The following WDPCP variants were observed in gnomAD, a reference collection of about 807,000 sequenced individuals.
WDPCP encodes the protein WD repeat-containing and planar cell polarity effector protein fritz homolog.
WDPCP carries 71 observed loss-of-function variants against 93.1 expected under a neutral mutation model. That is an observed-to-expected ratio of 0.76 (90% confidence interval 0.63 to 0.93). The LOEUF (loss-of-function observed/expected upper bound fraction) is 0.93, where lower values mean the gene tolerates loss of function less well. WDPCP is among the 40% of genes least tolerant of loss of function. The probability of loss-of-function intolerance (pLI) is 0.00; values close to 1 mark genes in which losing one functional copy is unlikely to be tolerated. For synonymous variants in WDPCP, 315 were observed against 315.0 expected, an observed-to-expected ratio of 1.00 and a Z score of 0.00; for missense variants, 844 against 887.4, an observed-to-expected ratio of 0.95 and a Z score of 0.62.
chr2:63,482,481 TAAGGAAAATTTAACAAAAATTTAACTAAA>T (rs1332834968), intron 6 of WDPCP, among the ~76,000 whole-genome samples: 5 of 151,994 alleles, frequency 3.3e-5, no homozygotes, highest in African/African-American at 9.7e-5. Context: ...ACTTTATAAC[TAAGGAAAATTTAACAAAAATTTAACTAAA>T]AGGGCTAAGG....
intron 2 of WDPCP, among the ~76,000 whole-genome samples, chr2:63,682,059 A>G: frequency 6.6e-6 from 1 of 152,262 alleles, no homozygotes; most frequent in South Asian, 2.1e-4. Flanking sequence ...AGCCTTCCCA[A>G]GAAGGACAGG....
At chr2:63,655,040 A>C (rs184690554) in intron 2 of WDPCP, among the ~76,000 whole-genome samples, 4 of 152,214 alleles carry the variant, frequency 2.6e-5, no homozygotes, top group Non-Finnish European at 5.9e-5. Context: ...CTAGAGAATC[A>C]CTCACAGACT....
chr2:63,127,445 A>G (rs964195035), intron 17 of WDPCP, among the ~76,000 whole-genome samples: 7 of 151,962 alleles, frequency 4.6e-5, no homozygotes, highest in East Asian at 1.9e-4. Flanking sequence ...TTAAAAATCA[A>G]TTTTTAGAGG....
intron 1 of WDPCP, among the ~76,000 whole-genome samples, chr2:63,575,456 ACAG>A (rs1707948223): frequency 2.3e-5 from 1 of 42,992 alleles, no homozygotes; most frequent in African/African-American, 1.4e-4. Context: ...CACTGTATAT[ACAG>A]TATATATGCA....
intron 14 of WDPCP, among the ~76,000 whole-genome samples, chr2:63,249,699 AGAAG>A (rs1680563461): frequency 6.6e-6 from 1 of 152,198 alleles, no homozygotes; most frequent in African/African-American, 2.4e-5. Flanking sequence ...TGGAACTGAA[AGAAG>A]GAAGAGGCTG....
chr2:63,529,775 C>G (rs1178778226), intron 1 of WDPCP, among the ~76,000 whole-genome samples: 1 of 152,112 alleles, frequency 6.6e-6, no homozygotes, highest in African/African-American at 2.4e-5. Context: ...AGGAATGGTA[C>G]CAGCTCCTCC....
At chr2:63,238,076 C>G (rs905383603) in intron 14 of WDPCP, among the ~76,000 whole-genome samples, 2 of 151,264 alleles carry the variant, frequency 1.3e-5, no homozygotes, top group African/African-American at 4.9e-5. Context: ...CCCAAAATGG[C>G]AGGTGGTATA....
chr2:63,223,856 A>T (rs531137628), intron 14 of WDPCP, among the ~76,000 whole-genome samples: 47 of 152,114 alleles, frequency 3.1e-4, no homozygotes, highest in African/African-American at 1.1e-3. Flanking sequence ...CATACTATAT[A>T]TGGGGTGTGT....
At chr2:63,350,103 ATGC>A (rs1156674295) in intron 12 of WDPCP, among the ~76,000 whole-genome samples, 2 of 152,226 alleles carry the variant, frequency 1.3e-5, no homozygotes, top group East Asian at 3.9e-4. Context: ...ATGGAATACT[ATGC>A]AGTCATAAAA....
chr2:63,262,539 C>CAAAAAAAAAAAAAAAA (rs5831658), intron 13 of WDPCP, among the ~76,000 whole-genome samples: 1 of 130,086 alleles, frequency 7.7e-6, no homozygotes, highest in Non-Finnish European at 1.6e-5. Context: ...CCATATAAGC[C>CAAAAAAAAAAAAAAAA]AAAAAAAAAA....
At chr2:63,655,814 A>G (rs1472706011) in intron 2 of WDPCP, among the ~76,000 whole-genome samples, 1 of 152,226 alleles carries the variant, frequency 6.6e-6, no homozygotes. Flanking sequence ...CCATTAATAC[A>G]TGAAGAACTT....
intron 2 of WDPCP, among the ~76,000 whole-genome samples, chr2:63,697,810 G>A (rs1335748332): frequency 2.0e-5 from 3 of 151,920 alleles, no homozygotes; most frequent in Admixed American, 6.6e-5. Flanking sequence ...ACCATGCCAG[G>A]CTAATTTTTG....
At chr2:63,251,562 G>A (rs1680729672) in intron 14 of WDPCP, among the ~76,000 whole-genome samples, 1 of 147,916 alleles carries the variant, frequency 6.8e-6, no homozygotes, top group African/African-American at 2.5e-5. Flanking sequence ...CATGATCTCG[G>A]CTCACTGCAA....
chr2:63,672,976 C>T (rs997772892), intron 2 of WDPCP, among the ~76,000 whole-genome samples: 6 of 152,140 alleles, frequency 3.9e-5, no homozygotes, highest in African/African-American at 1.4e-4. Flanking sequence ...TGGTCTCTGA[C>T]TCCTGGGCTC....
chr2:63,668,296 C>G (rs1710306838), intron 2 of WDPCP, among the ~76,000 whole-genome samples: 1 of 152,172 alleles, frequency 6.6e-6, no homozygotes, highest in Admixed American at 6.5e-5. Context: ...AGCCTCAAAA[C>G]TGCAGGTTCA....
At chr2:63,441,743 C>T (rs1240725829) in intron 6 of WDPCP, 1 of 152,010 alleles carries the variant, frequency 6.6e-6, no homozygotes, top group East Asian at 1.9e-4. Flanking sequence ...TGCCAGTGAT[C>T]AGGAGCTCAC....
intron 12 of WDPCP, among the ~76,000 whole-genome samples, chr2:63,322,115 G>A (rs1029496072): frequency 3.9e-5 from 6 of 152,196 alleles, no homozygotes; most frequent in Non-Finnish European, 7.3e-5. Context: ...CTAGCTAACA[G>A]GTAGGGGGCT....
intron 13 of WDPCP, among the ~76,000 whole-genome samples, chr2:63,309,853 A>G (rs1686046880): frequency 6.6e-6 from 1 of 152,152 alleles, no homozygotes; most frequent in African/African-American, 2.4e-5. Flanking sequence ...CAACTAATGG[A>G]TTAAAAAAGA....
Position 63,404,489 on chromosome 2 carries a change from T to C in WDPCP, c.994A>G (p.Thr332Ala), listed in dbSNP as rs1378603364. 1.2e-6 allele frequency: 2 copies of C among 1,614,114 alleles called. No individual in the cohort carries two copies. Among genetic ancestry groups the C allele is most frequent in the South Asian group, 1.1e-5 (1 of 91,082 alleles). The change falls in exon 10 of 18, where the codon ACC becomes GCC. Residue 332 changes from threonine (T) to alanine (A), a missense_variant. Thr to Ala is a moderately conservative substitution (Grantham distance 58). Transcript: ENST00000272321. ...GCCTTTGACTTTAGTGGTATTCTGG[T>C]GACTGACACACACTGGATTTTATTC... ...IRNKIQCVSV[T>A]RIPLKSKAIS...
Sources: allele counts gnomAD v4.1 joint callset (sites outside exome capture counted in the v4.1 genomes callset), GRCh38; gene constraint gnomAD v4.1.1; transcripts MANE v1.5; gene names NCBI Gene and HGNC (gene_info 2026-07-23, HGNC 2026-07-21).